PEX1: variants seen among roughly 807,000 people sequenced by gnomAD.
The protein encoded by PEX1 is peroxisomal biogenesis factor 1.
In PEX1, 97 loss-of-function variants were observed where a neutral mutation model predicts 152.5. The observed-to-expected ratio is 0.64, with a 90% CI of 0.54 to 0.75. PEX1 has a LOEUF of 0.75. PEX1 is among the 30% of genes least tolerant of loss of function. The pLI is 0.00. For missense variants in PEX1, 1,357 were observed against 1,516.3 expected (o/e 0.89, Z 1.74); for synonymous variants, 485 against 531.6 (o/e 0.91, Z 1.21).
Position 92,491,260 on chromosome 7 carries a change from T to C in PEX1, c.3438+12A>G. 2 of 1,534,140 alleles carry C rather than the reference T, an allele frequency of 1.3e-6. No individual in the cohort carries two copies. The highest frequency in any genetic ancestry group is 9.0e-7 in the Non-Finnish European group (1 of 1,107,014). On this transcript the variant is annotated intron_variant, in intron 21 of 23. Transcript: ENST00000248633. ...TATTTCAGAACTGTATAATGATGAC[T>C]GCACAAGATACCAAATCAGAAGAGG...
At chr7:92,492,244 C>T (rs985060849) in intron 20 of PEX1, among the ~76,000 whole-genome samples, 1 of 152,080 alleles carries the variant, frequency 6.6e-6, no homozygotes. Flanking sequence ...TTTACTCAAG[C>T]GATCCTCCTG....
intron 7 of PEX1, 25 bp downstream of exon 7, chr7:92,511,555 A>G: frequency 6.3e-7 from 1 of 1,587,110 alleles, no homozygotes. Context: ...ATAGAAAAAA[A>G]AGTCAAAATA....
intron 1 of PEX1, among the ~76,000 whole-genome samples, chr7:92,527,582 A>G (rs1181121491): frequency 3.3e-5 from 5 of 152,214 alleles, no homozygotes; most frequent in Non-Finnish European, 5.9e-5. Context: ...CCATGCATCC[A>G]GGATTTATGA....
At chr7:92,520,708 A>C (rs1027029171) in intron 2 of PEX1, among the ~76,000 whole-genome samples, 1 of 152,228 alleles carries the variant, frequency 6.6e-6, no homozygotes, top group African/African-American at 2.4e-5. Flanking sequence ...ATAGTGTCTT[A>C]CTGGCAGGGC....
At chr7:92,490,632 C>CAAAAAA (rs35917694) in intron 21 of PEX1, among the ~76,000 whole-genome samples, 2 of 79,656 alleles carry the variant, frequency 2.5e-5, no homozygotes, top group African/African-American at 5.0e-5. Flanking sequence ...GAGACTGTCT[C>CAAAAAA]AAAAAAAAAA....
rs765951250 is a variant in PEX1, at chr7:92,517,746, A to T, written c.769T>A (p.Ser257Thr). 2 of 1,606,402 alleles carry T rather than the reference A, an allele frequency of 1.2e-6. No homozygotes were observed. Among genetic ancestry groups the T allele is most frequent in the Admixed American group, 1.7e-5 (1 of 59,130 alleles). ...TMIGSIFSFQ[S>T]EKKQETSWGL... is the part of the protein sequence containing the mutation. ...CAAGATGTCTCTTGTTTCTTCTCAG[A>T]TTGAAAGGAAAAAATGCTTCCTATC... Residue 257 changes from serine (S) to threonine (T), a missense_variant, in exon 5 of 24, where the codon TCT becomes ACT. Physicochemically the swap from Ser to Thr is moderately conservative, Grantham distance 58 (BLOSUM62 1). Transcript: ENST00000248633.
intron 2 of PEX1, 56 bp from the exon 3 acceptor site, chr7:92,519,134 T>A: frequency 1.0e-6 from 1 of 959,142 alleles, no homozygotes; most frequent in Non-Finnish European, 1.7e-6. Context: ...GTGTCATATA[T>A]TAGAAAATAA....
intron 11 of PEX1, 37 bp downstream of exon 11, chr7:92,506,211 A>G (rs755350080): frequency 9.1e-7 from 1 of 1,099,140 alleles, no homozygotes; most frequent in Non-Finnish European, 1.4e-6. Flanking sequence ...CTTTCTAATG[A>G]AAAAGGGATT....
intron 8 of PEX1, among the ~76,000 whole-genome samples, chr7:92,510,389 C>T (rs1297040547): frequency 6.6e-6 from 1 of 151,600 alleles, no homozygotes; most frequent in East Asian, 1.9e-4. Flanking sequence ...TCACCTGAGC[C>T]TGGGAGGTCG....
chr7:92,491,561 A>G (rs965088744), intron 20 of PEX1, 59 bp from the exon 21 acceptor site: 1 of 984,668 alleles, frequency 1.0e-6, no homozygotes, highest in African/African-American at 1.6e-5. Flanking sequence ...TCTCAGAAAT[A>G]AATAATAACA....
chr7:92,499,560 G>A (rs971342541), intron 16 of PEX1, 144 bp downstream of exon 16: 24 of 692,744 alleles, frequency 3.5e-5, no homozygotes, highest in Admixed American at 2.2e-4. Flanking sequence ...GGAGTGGAAT[G>A]AAAAAGTTTT....
Position 92,503,159 on chromosome 7 carries a change from C to A in PEX1, c.2108G>T (p.Gly703Val). ...NDMIKEFISM[G>V]SLVALIATSQ... ...TGTGGCAATCAGTGCAACCAAACTT[C>A]CCATGGAGATAAACTCTTTTATCAT... is the stretch of plus-strand genomic sequence containing the variant. Residue 703 changes from glycine (G) to valine (V), a missense_variant, in exon 13 of 24, where the codon GGA (glycine) becomes GTA (valine). Gly to Val is a moderately radical substitution (Grantham distance 109, BLOSUM62 -3). Coordinates refer to ENST00000248633, the MANE Select transcript of PEX1 (RefSeq NM_000466.3). 3 of 1,613,676 alleles carry A rather than the reference C, an allele frequency of 1.9e-6. No homozygotes were observed. Among genetic ancestry groups the A allele is most frequent in the Non-Finnish European group, 2.5e-6 (3 of 1,179,784 alleles).
intron 1 of PEX1, among the ~76,000 whole-genome samples, chr7:92,526,987 A>C (rs576596547): frequency 2.5e-4 from 38 of 152,346 alleles, no homozygotes; most frequent in African/African-American, 6.3e-4. Context: ...GATTTATGGA[A>C]TCTATAAAGT....
At chr7:92,511,454 T>C in intron 7 of PEX1, 126 bp downstream of exon 7, 1 of 803,466 alleles carries the variant, frequency 1.2e-6, no homozygotes, top group South Asian at 1.7e-5. Context: ...TAAAAACTAC[T>C]GTTTAATTAT....
At chr7:92,498,321 T>C (rs931186220) in intron 16 of PEX1, among the ~76,000 whole-genome samples, 1 of 151,530 alleles carries the variant, frequency 6.6e-6, no homozygotes, top group Non-Finnish European at 1.5e-5. Context: ...CTGGCCAACA[T>C]GGTGAAACCC....
chr7:92,504,221 G>A (rs1276010242), intron 12 of PEX1, among the ~76,000 whole-genome samples: 1 of 151,702 alleles, frequency 6.6e-6, no homozygotes, highest in Admixed American at 6.6e-5. Flanking sequence ...CTCCTTGTTG[G>A]TCACCCTGGT....
At chr7:92,494,432 G>C in intron 18 of PEX1, 36 bp from the exon 19 acceptor site, 2 of 1,610,086 alleles carry the variant, frequency 1.2e-6, no homozygotes, top group Non-Finnish European at 1.7e-6. Flanking sequence ...ACCAAAATCT[G>C]ATGACATGAT....
chr7:92,525,295 G>A (rs1403192360), intron 1 of PEX1, among the ~76,000 whole-genome samples: 1 of 152,164 alleles, frequency 6.6e-6, no homozygotes, highest in South Asian at 2.1e-4. Flanking sequence ...AGTATTACCA[G>A]GAAATCTGCA....
At chr7:92,497,144 A>G (rs1791692559) in intron 16 of PEX1, among the ~76,000 whole-genome samples, 1 of 152,138 alleles carries the variant, frequency 6.6e-6, no homozygotes, top group Non-Finnish European at 1.5e-5. Flanking sequence ...ACCATCTGAC[A>G]GTGAATTATA....
Sources: gnomAD v4.1 joint callset for allele counts (sites outside exome capture counted in the v4.1 genomes callset) on GRCh38, gnomAD v4.1.1 for gene constraint, MANE v1.5 for transcripts, NCBI Gene and HGNC (gene_info 2026-07-23, HGNC 2026-07-21) for gene names.